KCNH2: variants seen among roughly 807,000 people sequenced by gnomAD.
KCNH2 encodes voltage-gated inwardly rectifying potassium channel KCNH2.
A neutral mutation model predicts 95.9 loss-of-function variants in KCNH2; 35 were observed. The ratio of observed to expected loss-of-function variants is 0.37; its 90% CI spans 0.28 to 0.48. The LOEUF (loss-of-function observed/expected upper bound fraction) is 0.48. KCNH2 is among the 20% of genes least tolerant of loss of function. KCNH2 has a pLI of 0.99. For missense variants in KCNH2, 1,274 were observed against 1,702.9 expected, an observed-to-expected ratio of 0.75 and a Z score of 4.43; for synonymous variants, 786 against 754.7, an observed-to-expected ratio of 1.04 and a Z score of -0.68.
At chr7:150,963,247 G>A (rs1421421568) in intron 2 of KCNH2, among the ~76,000 whole-genome samples, 1 of 152,222 alleles carries the variant, frequency 6.6e-6, no homozygotes, top group Non-Finnish European at 1.5e-5. Context: ...GTGCAACAGG[G>A]GAGAGGGTTC....
chr7:150,946,857 G>A lies in KCNH2; in HGVS notation c.3330+20C>T. ...AACAAGCGGGTCACGGTACATCGAGGAAGCAGGGCTGGAGCTTACCTGAGA... is the reference window on the plus strand; with the variant it reads ...AACAAGCGGGTCACGGTACATCGAGAAAGCAGGGCTGGAGCTTACCTGAGA... On this transcript the variant is annotated intron_variant, in intron 14 of 14. Coordinates refer to ENST00000262186, the MANE Select transcript of KCNH2 (RefSeq NM_000238.4). The surrounding 1 kb of genome is among the most constrained non-coding windows in gnomAD (Gnocchi z 6.5). 1.3e-6 allele frequency: 2 copies of A among 1,592,444 alleles called. No homozygotes were observed. The highest frequency in any genetic ancestry group is 1.7e-6 in the Non-Finnish European group (2 of 1,165,820).
intron 2 of KCNH2, among the ~76,000 whole-genome samples, chr7:150,964,902 G>A (rs1801661152): frequency 1.3e-5 from 2 of 152,184 alleles, no homozygotes; most frequent in Non-Finnish European, 2.9e-5. Flanking sequence ...TCCTGGCAGG[G>A]GGCCACCGTG....
intron 13 of KCNH2, 63 bp downstream of exon 13, chr7:150,947,265 A>C: frequency 1.4e-6 from 2 of 1,390,658 alleles, no homozygotes; most frequent in Non-Finnish European, 2.0e-6. Context: ...CTACCAGACA[A>C]CACCGCCAGG....
rs12720441 is a variant in KCNH2, at chr7:150,950,216, G to A, written c.2350C>T (p.Arg784Trp). 2.3e-5 allele frequency: 37 copies of A among 1,612,406 alleles called. No individual in the cohort carries two copies. The highest frequency in any genetic ancestry group is 3.1e-5 in the Non-Finnish European group (36 of 1,179,688). The change falls in exon 9 of 15, where the codon CGG becomes TGG. Residue 784 changes from arginine to tryptophan, a missense_variant. This residue lies in a region of KCNH2 where 159 missense variants were observed against 282.5 expected (regional missense o/e 0.56). Coordinates refer to ENST00000262186, the MANE Select transcript of KCNH2 (RefSeq NM_000238.4). ...CCCCGCAGGATCTCGATGGAGCCCC[G>A]GGAGATGAAGTACAGGGCGGTGAGC... The part of the protein sequence containing the change: ...DLLTALYFIS[R>W]GSIEILRGDV...
chr7:150,960,184 T>C (rs1430501393), intron 2 of KCNH2, among the ~76,000 whole-genome samples: 1 of 152,230 alleles, frequency 6.6e-6, no homozygotes, highest in Non-Finnish European at 1.5e-5. Context: ...ATAGCCCGGA[T>C]CTGCTGCTTA....
intron 5 of KCNH2, among the ~76,000 whole-genome samples, chr7:150,953,971 G>A (rs988939299): frequency 1.3e-5 from 2 of 152,240 alleles, no homozygotes; most frequent in Non-Finnish European, 2.9e-5. Flanking sequence ...TCATACTCAA[G>A]CTGGGCTTGC....
rs1802025094 is a variant in KCNH2, at chr7:150,978,121, C to T, written c.-208G>A. 2 of 158,932 alleles carry T rather than the reference C, an allele frequency of 1.3e-5. No homozygotes were observed. The highest frequency in any genetic ancestry group is 4.9e-5 in the African/African-American group (2 of 40,924). The allele number at this position is 158,932 out of a possible 1,614,324, so 9.8% of individuals were successfully genotyped here. A position where few individuals can be genotyped will look rare whatever the true frequency, so the allele number is the denominator to read the frequency against. ...GGACCCCGGGCCCGGCCTGGAGCCG[C>T]CTGAGCGCGAGCCGCCCGCCGCCGG... On this transcript the variant is annotated 5_prime_UTR_variant, in exon 1 of 15. Coordinates refer to ENST00000262186, the MANE Select transcript of KCNH2 (RefSeq NM_000238.4).
At chr7:150,953,320 A>C (rs1046670151) in intron 5 of KCNH2, among the ~76,000 whole-genome samples, 1 of 152,146 alleles carries the variant, frequency 6.6e-6, no homozygotes, top group Admixed American at 6.5e-5. Context: ...TGCAGTTCTT[A>C]CCAGCCCCTC....
chr7:150,974,918 C>T lies in KCNH2; in HGVS notation c.100G>A (p.Ala34Thr), dbSNP rs1481808066. The T allele has an allele frequency of 3.1e-6, 5 of 1,608,542 alleles. No individual in the cohort carries two copies. The highest frequency in any genetic ancestry group is 4.2e-6 in the Non-Finnish European group (5 of 1,178,314). ...ATGACGGCGCAGTTCTCCACCCGAG[C>T]GTTGGCGATGATGAACTTACGGCCT... ...GQSRKFIIAN[A>T]RVENCAVIYC... The change falls in exon 2 of 15, where the codon GCT becomes ACT. Residue 34 changes from alanine to threonine, a missense_variant. Coordinates refer to ENST00000262186, the MANE Select transcript of KCNH2 (RefSeq NM_000238.4).
In KCNH2 at chr7:150,947,137, G is replaced by A. The variant is rs1394864221; in HGVS notation, c.3153-83C>T. The stretch of plus-strand genomic sequence containing the variant: ...CGGGAGTGGGGAAGGGGAAGGGGAG[G>A]GGGGAGGGGCAGCCTGTCAACCCAG... On this transcript the variant is annotated intron_variant, in intron 13 of 14. Coordinates refer to ENST00000262186, the MANE Select transcript of KCNH2 (RefSeq NM_000238.4). 7.8e-6 allele frequency: 7 copies of A among 901,634 alleles called. No homozygotes were observed. The East Asian group carries it at 1.4e-4, about 17-fold the overall frequency. The allele number at this position is 901,634 out of a possible 1,614,324, so 55.9% of individuals were successfully genotyped here. A position where few individuals can be genotyped will look rare whatever the true frequency, so the allele number is the denominator to read the frequency against.
Position 150,974,724 on chromosome 7 carries a change from G to T in KCNH2, c.294C>A (p.Phe98Leu). The T allele has an allele frequency of 6.2e-7, 1 of 1,600,334 alleles. No individual in the cohort carries two copies. Among genetic ancestry groups the T allele is most frequent in the Non-Finnish European group, 8.5e-7 (1 of 1,174,354 alleles). ...GCCCGCTCCTACCATCTTTCCGGTA[G>T]AAGGCGATTTCCACTTTGCGCTCCT... ...GAEERKVEIA[F>L]YRKDGSCFLC... is the part of the protein sequence containing the mutation. The change falls in exon 2 of 15, where the codon TTC (phenylalanine) becomes TTA (leucine). Residue 98 changes from phenylalanine to leucine, a missense_variant. Coordinates refer to ENST00000262186, the MANE Select transcript of KCNH2 (RefSeq NM_000238.4).
intron 2 of KCNH2, 61 bp from the exon 3 acceptor site, chr7:150,959,797 C>T (rs41308963): frequency 1.6e-5 from 25 of 1,599,636 alleles, no homozygotes; most frequent in East Asian, 1.1e-4. Context: ...CAGAAAGCCA[C>T]GCAGGATGGA....
intron 2 of KCNH2, among the ~76,000 whole-genome samples, chr7:150,974,224 C>T (rs1801910972): frequency 6.6e-6 from 1 of 152,190 alleles, no homozygotes; most frequent in Non-Finnish European, 1.5e-5. Flanking sequence ...GCAGAGACAG[C>T]CAGAGTCCTG....
chr7:150,945,096 C>T lies in KCNH2; in HGVS notation c.*269G>A, dbSNP rs919125400. The T allele has an allele frequency of 1.4e-5, 7 of 490,356 alleles. No individual in the cohort carries two copies. The Admixed American group carries it at 1.7e-4, about 12-fold the overall frequency. 30.4% of individuals were successfully genotyped at this position (490,356 alleles called of 1,614,324 possible). On this transcript the variant is annotated 3_prime_UTR_variant, in exon 15 of 15. Coordinates refer to ENST00000262186, the MANE Select transcript of KCNH2 (RefSeq NM_000238.4). This position sits in a 1 kb window ranked among gnomAD's most constrained non-coding sequence, Gnocchi z 5.6. ...CCTTGAGGTGCCTAAGGCCCAGGGC[C>T]GGGTGCCTCCGGGCAGTTAGACCAG...
rs990623569 is a variant in KCNH2, at chr7:150,946,836, A to G, written c.3330+41T>C. 14 of 1,561,062 alleles carry G rather than the reference A, an allele frequency of 9.0e-6. No homozygotes were observed. The African/African-American group carries it at 1.8e-4, about 20-fold the overall frequency. Reference sequence around the variant, plus strand: ...AGGTTTGGGCTGGAATCGGGGAACAAGCGGGTCACGGTACATCGAGGAAGC... The same window carrying G: ...AGGTTTGGGCTGGAATCGGGGAACAGGCGGGTCACGGTACATCGAGGAAGC... On this transcript the variant is annotated intron_variant, in intron 14 of 14. Coordinates refer to ENST00000262186, the MANE Select transcript of KCNH2 (RefSeq NM_000238.4). This position sits in a 1 kb window ranked among gnomAD's most constrained non-coding sequence, Gnocchi z 6.5.
chr7:150,960,473 A>G (rs904808612), intron 2 of KCNH2, among the ~76,000 whole-genome samples: 2 of 152,194 alleles, frequency 1.3e-5, no homozygotes, highest in African/African-American at 4.8e-5. Context: ...AGCTGTTACT[A>G]TCTGTCTCTC....
rs150988911 is a variant in KCNH2 at position 150,959,701 on chromosome 7, C to T, written c.343G>A (p.Val115Met). The change falls in exon 3 of 15, where the codon GTG becomes ATG. Residue 115 changes from valine (V) to methionine (M), a missense_variant. Val to Met is a conservative substitution (Grantham distance 21, BLOSUM62 1). Around this residue, in one of 7 missense-constraint regions of KCNH2, gnomAD observed 85 missense variants for 174.7 expected, o/e 0.49. Transcript: ENST00000262186. ...ATGACAGCCCCATCCTCGTTCTTCA[C>T]GGGCACCACATCCACCAGACATAGG... The part of the protein sequence containing the change: ...CFLCLVDVVP[V>M]KNEDGAVIMF... 8 of 1,614,182 alleles carry T rather than the reference C, an allele frequency of 5.0e-6. No homozygotes were observed. In the Admixed American group the frequency reaches 6.7e-5, roughly 13 times the overall value.
intron 2 of KCNH2, among the ~76,000 whole-genome samples, chr7:150,972,489 C>A (rs1020421796): frequency 6.6e-6 from 1 of 152,206 alleles, no homozygotes; most frequent in Non-Finnish European, 1.5e-5. Flanking sequence ...TCTGCATCAC[C>A]CCAGGCCTAG....
chr7:150,945,238 A>C lies in KCNH2; in HGVS notation c.*127T>G. ...AGAAGATGGTCCCAAGGGCTGGGGGAGGAGCTGTGCTTTCGAGTTCCTCTC... is the reference window on the plus strand; with the variant it reads ...AGAAGATGGTCCCAAGGGCTGGGGGCGGAGCTGTGCTTTCGAGTTCCTCTC... On this transcript the variant is annotated 3_prime_UTR_variant, in exon 15 of 15. Coordinates refer to ENST00000262186, the MANE Select transcript of KCNH2 (RefSeq NM_000238.4). The surrounding 1 kb of genome is among the most constrained non-coding windows in gnomAD (Gnocchi z 5.6). 1 of 1,054,534 alleles carries C rather than the reference A, an allele frequency of 9.5e-7. No homozygotes were observed. Among genetic ancestry groups the C allele is most frequent in the Non-Finnish European group, 1.3e-6 (1 of 742,634 alleles). 65.3% of individuals were successfully genotyped at this position (1,054,534 alleles called of 1,614,324 possible).
Sources: gnomAD v4.1 joint callset for allele counts (sites outside exome capture counted in the v4.1 genomes callset) on GRCh38, gnomAD v4.1.1 for gene constraint, gnomAD v4.1.1 regional missense constraint, Gnocchi (gnomAD v3.1) non-coding constraint, MANE v1.5 for transcripts, NCBI Gene and HGNC (gene_info 2026-07-23, HGNC 2026-07-21) for gene names.